FRMD3: variants seen among roughly 807,000 people sequenced by gnomAD.
FRMD3 encodes FERM domain containing 3, also known as FERM domain-containing protein 3.
A neutral mutation model predicts 70.2 loss-of-function variants in FRMD3; 33 were observed. That is an observed-to-expected ratio of 0.47 (90% CI 0.36 to 0.63). FRMD3 has a LOEUF of 0.63. Among genes scored for constraint, FRMD3 ranks in the 20% least tolerant of loss-of-function variants. The probability of loss-of-function intolerance (pLI) is 0.00; values close to 1 mark genes in which losing one functional copy is unlikely to be tolerated. For synonymous variants in FRMD3, 279 were observed against 255.9 expected (o/e 1.09, Z -0.86); for missense variants, 632 against 711.4 (o/e 0.89, Z 1.27).
rs150714161 is a variant in FRMD3 at position 83,333,087 on chromosome 9, T to C, written c.596+2429A>G. Among the ~76,000 whole-genome samples, 948 of 152,344 alleles carry C rather than the reference T, an allele frequency of 6.2e-3. 12 individuals are homozygous for C. The highest frequency in any genetic ancestry group is 0.022 in the African/African-American group (895 of 41,586). On this transcript the variant is annotated intron_variant, in intron 6 of 13. Transcript: ENST00000304195. ...ACAGACGCAAGAAAGCTCCTCTCCC[T>C]CTGCACTGTCAGCCTCTTCTGCTCT...
chr9:83,258,979 C>T (rs1832856073), intron 13 of FRMD3, among the ~76,000 whole-genome samples: 1 of 152,134 alleles, frequency 6.6e-6, no homozygotes, highest in Non-Finnish European at 1.5e-5. Context: ...ATGGAATACC[C>T]ATTAAACCTC....
At chr9:83,344,139 G>T (rs1313760026) in intron 4 of FRMD3, among the ~76,000 whole-genome samples, 3 of 152,246 alleles carry the variant, frequency 2.0e-5, no homozygotes, top group Non-Finnish European at 4.4e-5. Flanking sequence ...CACTGATCAA[G>T]CTCTCTTCCA....
intron 5 of FRMD3, 31 bp from the exon 6 acceptor site, chr9:83,335,670 G>C (rs1823554010): frequency 6.2e-7 from 1 of 1,600,190 alleles, no homozygotes; most frequent in Admixed American, 1.7e-5. Context: ...AAGAGACAGA[G>C]AAAGATTAAA....
chr9:83,566,188 A>C, the FRMD3 span, among the ~76,000 whole-genome samples: 3 of 152,324 alleles, frequency 2.0e-5, no homozygotes, highest in African/African-American at 7.2e-5. Context: ...GGCCCTTCTT[A>C]CATGGTGGCA....
At chr9:83,473,151 C>T (rs970469154) in intron 1 of FRMD3, among the ~76,000 whole-genome samples, 2 of 152,188 alleles carry the variant, frequency 1.3e-5, no homozygotes, top group Non-Finnish European at 2.9e-5. Flanking sequence ...AACCTGGCTA[C>T]TGGCATTTGA....
At chr9:83,311,547 TC>T (rs1486801506) in intron 8 of FRMD3, among the ~76,000 whole-genome samples, 1 of 151,944 alleles carries the variant, frequency 6.6e-6, no homozygotes, top group Non-Finnish European at 1.5e-5. Flanking sequence ...GGAGAGTGGA[TC>T]CTGAGTTGTT....
intron 13 of FRMD3, among the ~76,000 whole-genome samples, chr9:83,249,344 C>T (rs947861304): frequency 7.9e-5 from 12 of 152,128 alleles, no homozygotes; most frequent in Non-Finnish European, 1.8e-4. Flanking sequence ...CCTCATTTTA[C>T]TGATGGGAAA....
At chr9:83,343,664 T>C (rs939141268) in intron 4 of FRMD3, among the ~76,000 whole-genome samples, 1 of 152,116 alleles carries the variant, frequency 6.6e-6, no homozygotes, top group African/African-American at 2.4e-5. Flanking sequence ...CTGCCCAAGC[T>C]CTGTTTCAAA....
intron 1 of FRMD3, among the ~76,000 whole-genome samples, chr9:83,497,455 G>A (rs1828967341): frequency 1.3e-5 from 2 of 152,168 alleles, no homozygotes; most frequent in African/African-American, 4.8e-5. Context: ...ACTTCTAAGT[G>A]GCGTAATGGA....
At position 83,537,907 on chromosome 9, in the gene FRMD3, C is replaced by T. The variant is rs1272372010; in HGVS notation, c.147+178G>A. Reference sequence around the variant, plus strand: ...GCCTGGCGCTTGCAGGGCACCATGCCCCTCCATGCCAGGATAAGGCCCCCC... The same window carrying T: ...GCCTGGCGCTTGCAGGGCACCATGCTCCTCCATGCCAGGATAAGGCCCCCC... On this transcript the variant is annotated intron_variant, in intron 1 of 13. Transcript: ENST00000304195. The surrounding 1 kb of genome is among the most constrained non-coding windows in gnomAD (Gnocchi z 4.1). 1.3e-5 allele frequency among the ~76,000 whole-genome samples: 2 copies of T among 151,968 alleles called. No individual in the cohort carries two copies. The highest frequency in any genetic ancestry group is 1.9e-4 in the East Asian group (1 of 5,142).
intron 5 of FRMD3, among the ~76,000 whole-genome samples, chr9:83,338,248 CAG>C (rs1207725481): frequency 6.6e-6 from 1 of 152,144 alleles, no homozygotes; most frequent in Non-Finnish European, 1.5e-5. Context: ...AGGAAGTTGG[CAG>C]AGACACAAGA....
At chr9:83,385,616 C>T (rs1825489568) in intron 2 of FRMD3, among the ~76,000 whole-genome samples, 1 of 150,974 alleles carries the variant, frequency 6.6e-6, no homozygotes, top group Non-Finnish European at 1.5e-5. Context: ...AAACCACCAG[C>T]CCCCAAGGCA....
intron 12 of FRMD3, among the ~76,000 whole-genome samples, chr9:83,291,093 G>A (rs920912012): frequency 5.9e-5 from 9 of 152,130 alleles, no homozygotes; most frequent in South Asian, 2.1e-4. Flanking sequence ...TGAATGAAGG[G>A]CATGGCTCAG....
At chr9:83,580,033 C>T in the FRMD3 span, among the ~76,000 whole-genome samples, 1 of 152,012 alleles carries the variant, frequency 6.6e-6, no homozygotes, top group East Asian at 1.9e-4. Context: ...GAAGAAAATG[C>T]CCAATGTCAC....
At chr9:83,407,855 CTCTCTCTCTCTCTCTCTCATCTT>C (rs1301467715) in intron 1 of FRMD3, among the ~76,000 whole-genome samples, 63 of 129,562 alleles carry the variant, frequency 4.9e-4, no homozygotes, top group African/African-American at 1.1e-3. Flanking sequence ...CTCTCTCTCT[CTCTCTCTCTCTCTCTCTCATCTT>C]TCTCTCTCTC....
At chr9:83,524,579 C>T (rs1829646663) in intron 1 of FRMD3, among the ~76,000 whole-genome samples, 1 of 152,160 alleles carries the variant, frequency 6.6e-6, no homozygotes, top group Non-Finnish European at 1.5e-5. Context: ...GAAATTATAT[C>T]ATTTAGACTA....
chr9:83,562,899 C>T, the FRMD3 span, among the ~76,000 whole-genome samples: 4 of 151,726 alleles, frequency 2.6e-5, no homozygotes, highest in African/African-American at 7.3e-5. Context: ...ATGCCCCCCC[C>T]CCAGCACAGA....
chr9:83,460,671 T>C, intron 1 of FRMD3, among the ~76,000 whole-genome samples: 1 of 152,200 alleles, frequency 6.6e-6, no homozygotes, highest in East Asian at 1.9e-4. Flanking sequence ...ATGTAAAACA[T>C]GTACATGGTT....
chr9:83,551,806 A>G, the FRMD3 span, among the ~76,000 whole-genome samples: 1 of 151,514 alleles, frequency 6.6e-6, no homozygotes, highest in East Asian at 1.9e-4. Flanking sequence ...TATTTCTGTG[A>G]GGTCAGTAGT....
Sources: allele counts gnomAD v4.1 joint callset (sites outside exome capture counted in the v4.1 genomes callset), GRCh38; gene constraint gnomAD v4.1.1; non-coding constraint Gnocchi (gnomAD v3.1); transcripts MANE v1.5; gene names NCBI Gene and HGNC (gene_info 2026-07-23, HGNC 2026-07-21).